Variants in GALNT17 observed in about 807,000 individuals in gnomAD.
GALNT17 encodes UDP-GalNAc:polypeptide N-acetylgalactosaminyltransferase-like 3.
A neutral mutation model predicts 63.7 loss-of-function variants in GALNT17; 29 were observed. The ratio of observed to expected loss-of-function variants is 0.46; its 90% CI spans 0.34 to 0.62. The LOEUF (loss-of-function observed/expected upper bound fraction) is 0.62, where lower values mean the gene tolerates loss of function less well. Among genes scored for constraint, GALNT17 ranks in the 20% least tolerant of loss-of-function variants. The pLI is 0.01. For missense variants in GALNT17, 603 were observed against 799.6 expected (o/e 0.75, Z 2.97); for synonymous variants, 305 against 318.3 (o/e 0.96, Z 0.45).
At chr7:71,219,865 TGTG>T (rs1789552159) in intron 1 of GALNT17, among the ~76,000 whole-genome samples, 1 of 152,192 alleles carries the variant, frequency 6.6e-6, no homozygotes, top group African/African-American at 2.4e-5. Context: ...TTCTGTGCAT[TGTG>T]GTGGTAAGAG....
At chr7:71,484,446 C>A (rs896988241) in intron 5 of GALNT17, among the ~76,000 whole-genome samples, 2 of 152,078 alleles carry the variant, frequency 1.3e-5, no homozygotes, top group African/African-American at 4.8e-5. Flanking sequence ...TGAGATCGTA[C>A]TACTGCACTC....
chr7:71,296,771 A>G (rs958746044), intron 1 of GALNT17, among the ~76,000 whole-genome samples: 1 of 152,074 alleles, frequency 6.6e-6, no homozygotes, highest in African/African-American at 2.4e-5. Context: ...CTGTAAGTAA[A>G]GTATGATATT....
intron 5 of GALNT17, among the ~76,000 whole-genome samples, chr7:71,543,458 A>C (rs1331261180): frequency 6.6e-6 from 1 of 152,138 alleles, no homozygotes; most frequent in Non-Finnish European, 1.5e-5. Flanking sequence ...CGAGATTTGC[A>C]GGTGATTGGT....
intron 5 of GALNT17, among the ~76,000 whole-genome samples, chr7:71,569,066 G>A (rs1036169264): frequency 2.0e-5 from 3 of 152,108 alleles, no homozygotes; most frequent in African/African-American, 7.2e-5. Flanking sequence ...CTACCTCCCA[G>A]GTTCAAGTGA....
chr7:71,240,003 A>G lies in GALNT17; in HGVS notation c.239-95547A>G, dbSNP rs981149456. On this transcript the variant is annotated intron_variant, in intron 1 of 10. Coordinates refer to ENST00000333538, the MANE Select transcript of GALNT17 (RefSeq NM_022479.3). ...GGGAGTTAAAACTCAGTTTTCTTACATTTGGGTGTTTTAAGAGACTTTGGA... is the reference window on the plus strand; with the variant it reads ...GGGAGTTAAAACTCAGTTTTCTTACGTTTGGGTGTTTTAAGAGACTTTGGA... Among the ~76,000 whole-genome samples the G allele has an allele frequency of 2.4e-4, 37 of 152,270 alleles. 1 individual carries two copies. Among genetic ancestry groups the G allele is most frequent in the African/African-American group, 8.7e-4 (36 of 41,564 alleles).
At chr7:71,665,058 A>G (rs1056217010) in intron 6 of GALNT17, among the ~76,000 whole-genome samples, 2 of 151,974 alleles carry the variant, frequency 1.3e-5, no homozygotes, top group African/African-American at 4.8e-5. Context: ...GCTCACTGCA[A>G]CCTCCACCTC....
intron 1 of GALNT17, among the ~76,000 whole-genome samples, chr7:71,252,560 A>G (rs963129382): frequency 4.6e-5 from 7 of 152,132 alleles, no homozygotes; most frequent in African/African-American, 1.4e-4. Flanking sequence ...ATGGGATATA[A>G]GGCTATTTAT....
intron 1 of GALNT17, among the ~76,000 whole-genome samples, chr7:71,202,466 T>G (rs1789193159): frequency 6.6e-6 from 1 of 152,220 alleles, no homozygotes; most frequent in Admixed American, 6.5e-5. Flanking sequence ...TCACAAAGAT[T>G]TTTTCCATAT....
At chr7:71,460,142 A>G (rs115576935) in intron 5 of GALNT17, among the ~76,000 whole-genome samples, 2,968 of 152,098 alleles carry the variant, frequency 0.02, 112 homozygotes, top group African/African-American at 0.068. Context: ...GGGCTGTGTC[A>G]CGGGCCATGG....
rs777772965 is a variant in GALNT17 at position 71,420,893 on chromosome 7, T to G, written c.765-15T>G. On this transcript the variant is annotated splice_polypyrimidine_tract_variant and intron_variant, in intron 4 of 10. Coordinates refer to ENST00000333538, the MANE Select transcript of GALNT17 (RefSeq NM_022479.3). ...GAGAGAAGAGAGGTTTCATGTCTATTTCTCTATGTTTCAGGGCTGAGCCGG... is the reference window on the plus strand; with the variant it reads ...GAGAGAAGAGAGGTTTCATGTCTATGTCTCTATGTTTCAGGGCTGAGCCGG... 1.2e-5 allele frequency: 18 copies of G among 1,559,932 alleles called. 1 individual carries two copies. The highest frequency in any genetic ancestry group is 3.3e-4 in the Middle Eastern group (2 of 5,998).
At chr7:71,424,727 TTA>T (rs1786727625) in intron 5 of GALNT17, among the ~76,000 whole-genome samples, 1 of 152,210 alleles carries the variant, frequency 6.6e-6, no homozygotes, top group Non-Finnish European at 1.5e-5. Flanking sequence ...CCTTCTGAAA[TTA>T]TTAAGCGGAT....
At chr7:71,221,442 T>G (rs1421912739) in intron 1 of GALNT17, among the ~76,000 whole-genome samples, 3 of 143,136 alleles carry the variant, frequency 2.1e-5, no homozygotes, top group African/African-American at 7.8e-5. Context: ...TCCCGGAGCC[T>G]CCTCTCTGGG....
chr7:71,570,223 A>C (rs1214860774), intron 5 of GALNT17, among the ~76,000 whole-genome samples: 2 of 152,000 alleles, frequency 1.3e-5, no homozygotes, highest in Non-Finnish European at 2.9e-5. Flanking sequence ...CTTTGTCCCG[A>C]CTTCATGGTT....
At chr7:71,692,817 C>A (rs1791475961) in intron 9 of GALNT17, among the ~76,000 whole-genome samples, 1 of 151,366 alleles carries the variant, frequency 6.6e-6, no homozygotes, top group African/African-American at 2.4e-5. Flanking sequence ...CAGCTCACTG[C>A]AACCTCCACC....
chr7:71,151,703 G>T (rs1788138764), intron 1 of GALNT17, among the ~76,000 whole-genome samples: 1 of 152,032 alleles, frequency 6.6e-6, no homozygotes, highest in South Asian at 2.1e-4. Flanking sequence ...ATGATGGAAT[G>T]ATTATAATCA....
chr7:71,572,757 A>T (rs1789470044), intron 6 of GALNT17, among the ~76,000 whole-genome samples: 1 of 152,060 alleles, frequency 6.6e-6, no homozygotes, highest in African/African-American at 2.4e-5. Flanking sequence ...TCCAGAAATG[A>T]TTCATTTTGC....
At chr7:71,335,040 G>A (rs983024567) in intron 1 of GALNT17, among the ~76,000 whole-genome samples, 6 of 152,080 alleles carry the variant, frequency 3.9e-5, no homozygotes, top group South Asian at 2.1e-4. Context: ...GTCCTCTTTC[G>A]TCCTCATTTC....
chr7:71,627,978 G>T (rs1433457281), intron 6 of GALNT17, among the ~76,000 whole-genome samples: 5 of 152,100 alleles, frequency 3.3e-5, no homozygotes, highest in African/African-American at 1.2e-4. Flanking sequence ...ACTTTTATGT[G>T]TAAATCACAG....
At chr7:71,206,459 T>C (rs1377006551) in intron 1 of GALNT17, among the ~76,000 whole-genome samples, 7 of 152,134 alleles carry the variant, frequency 4.6e-5, no homozygotes, top group Admixed American at 2.0e-4. Context: ...AGTGGAGGCC[T>C]GTGTTCATCA....
Sources: allele counts gnomAD v4.1 joint callset (sites outside exome capture counted in the v4.1 genomes callset), GRCh38; gene constraint gnomAD v4.1.1; transcripts MANE v1.5; gene names NCBI Gene and HGNC (gene_info 2026-07-23, HGNC 2026-07-21).